Variants in AKR1C2 observed in about 807,000 individuals in gnomAD.
The protein encoded by AKR1C2 is 3-alpha-HSD3.
A neutral mutation model predicts 39.8 loss-of-function variants in AKR1C2; 27 were observed. That is an observed-to-expected ratio of 0.68 (90% CI 0.50 to 0.93). The LOEUF is 0.93. Ranked by LOEUF, AKR1C2 falls within the 40% of genes least tolerant of loss-of-function variation. The pLI is 0.00. For missense variants in AKR1C2, 263 were observed against 365.1 expected (o/e 0.72, Z 2.28); for synonymous variants, 114 against 137.9 (o/e 0.83, Z 1.22).
Position 4,989,286 on chromosome 10 carries a change from T to G in AKR1C2, c.*710A>C, listed in dbSNP as rs1342858883. On this transcript the variant is annotated 3_prime_UTR_variant, in exon 9 of 9. Coordinates refer to ENST00000380753, the MANE Select transcript of AKR1C2 (RefSeq NM_001393392.1). ...AGCTGTGGGGTTTGTTAAAACAATG[T>G]GGAAAGTTTTCTTTTATGAACAAGA... The G allele has an allele frequency of 6.6e-6, 1 of 152,168 alleles. No individual in the cohort carries two copies. Among genetic ancestry groups the G allele is most frequent in the Non-Finnish European group, 1.5e-5 (1 of 68,050 alleles). 9.4% of individuals were successfully genotyped at this position (152,168 alleles called of 1,614,324 possible).
rs576138666 is a variant in AKR1C2 at position 5,001,391 on chromosome 10, G to T, written c.252+123C>A. The T allele has an allele frequency of 2.1e-5, 31 of 1,497,728 alleles. No individual in the cohort carries two copies. The East Asian group carries it at 6.9e-4, about 33-fold the overall frequency. The allele number at this position is 1,497,728 out of a possible 1,614,324, so 92.8% of individuals were successfully genotyped here. Reference sequence around the variant, plus strand: ...GATATTAGTTTTAATACATGAGTAAGTGTGAATAAATCGAAATAAATAAGC... The same window carrying T: ...GATATTAGTTTTAATACATGAGTAATTGTGAATAAATCGAAATAAATAAGC... On this transcript the variant is annotated intron_variant, in intron 2 of 8. Transcript: ENST00000380753.
chr10:5,017,256 A>G (rs1837661298), intron 1 of AKR1C2, among the ~76,000 whole-genome samples: 1 of 152,198 alleles, frequency 6.6e-6, no homozygotes, highest in African/African-American at 2.4e-5. Flanking sequence ...CTACATGGCC[A>G]GGCTCAAGTT....
rs1458853892 is a variant in AKR1C2, at chr10:4,998,613, G to C, written c.570+12C>G. ...TGAAGAACAGAAAGGAGAGGAGGCT[G>C]AGGGCGCTCACCTGGTTGCAGACAG... On this transcript the variant is annotated intron_variant, in intron 5 of 8. Transcript: ENST00000380753. 1 of 1,613,814 alleles carries C rather than the reference G, an allele frequency of 6.2e-7. No homozygotes were observed. Among genetic ancestry groups the C allele is most frequent in the Non-Finnish European group, 8.5e-7 (1 of 1,179,906 alleles).
intron 1 of AKR1C2, among the ~76,000 whole-genome samples, chr10:5,011,748 A>T (rs1461118696): frequency 6.6e-6 from 1 of 152,228 alleles, no homozygotes; most frequent in Non-Finnish European, 1.5e-5. Context: ...GTGGGGATTG[A>T]AAGAATGGAA....
intron 6 of AKR1C2, 87 bp downstream of exon 6, chr10:4,995,669 T>C (rs2131682231): frequency 7.0e-7 from 1 of 1,432,422 alleles, no homozygotes; most frequent in Middle Eastern, 1.9e-4. Flanking sequence ...AAGTCAGCTG[T>C]GAGTGAACTC....
chr10:5,000,176 C>A, intron 3 of AKR1C2: 1 of 1,393,628 alleles, frequency 7.2e-7, no homozygotes. Context: ...TCATTGTGCA[C>A]CCTATGTGCA....
At chr10:4,996,818 G>A (rs1837068522) in intron 5 of AKR1C2, among the ~76,000 whole-genome samples, 1 of 151,816 alleles carries the variant, frequency 6.6e-6, no homozygotes, top group African/African-American at 2.4e-5. Flanking sequence ...TAAATGTCAG[G>A]TAAGAATAGT....
At chr10:4,996,192 G>C (rs1347876014) in intron 5 of AKR1C2, 1 of 253,678 alleles carries the variant, frequency 3.9e-6, no homozygotes, top group East Asian at 1.4e-4. Flanking sequence ...CAGAAATCAA[G>C]AATTTGGTCA....
chr10:5,016,758 G>T (rs1264172408), intron 1 of AKR1C2, among the ~76,000 whole-genome samples: 2 of 152,176 alleles, frequency 1.3e-5, no homozygotes, highest in Admixed American at 6.5e-5. Context: ...CCTCCACACT[G>T]CCCTAGAAGA....
chr10:5,004,498 T>C (rs1445687650), upstream of AKR1C2, among the ~76,000 whole-genome samples: 1 of 152,286 alleles, frequency 6.6e-6, no homozygotes, highest in East Asian at 1.9e-4. Flanking sequence ...TGTGGTTTTA[T>C]TGGAAGATTT....
chr10:5,012,600 A>G (rs1236178036), intron 1 of AKR1C2, among the ~76,000 whole-genome samples: 1 of 152,082 alleles, frequency 6.6e-6, no homozygotes, highest in African/African-American at 2.4e-5. Context: ...GGAATGGCCC[A>G]GAATAGCATT....
At chr10:4,997,794 G>C (rs1429730320) in intron 5 of AKR1C2, among the ~76,000 whole-genome samples, 4 of 152,148 alleles carry the variant, frequency 2.6e-5, no homozygotes, top group Non-Finnish European at 5.9e-5. Context: ...AAGGTGTAGT[G>C]ATTTTAATGC....
upstream of AKR1C2, chr10:5,005,861 C>T (rs1157634792): frequency 1.3e-5 from 2 of 151,886 alleles, no homozygotes; most frequent in African/African-American, 4.8e-5. Flanking sequence ...TTAAGAACTA[C>T]AGAAAATCTG....
intron 2 of AKR1C2, among the ~76,000 whole-genome samples, 172 bp from the exon 3 acceptor site, chr10:5,000,838 A>G (rs1169142286): frequency 6.6e-6 from 1 of 152,222 alleles, no homozygotes; most frequent in African/African-American, 2.4e-5. Flanking sequence ...GATGAACTTT[A>G]TAATATGTTG....
At chr10:5,012,134 A>G (rs187987116) in intron 1 of AKR1C2, among the ~76,000 whole-genome samples, 5 of 152,256 alleles carry the variant, frequency 3.3e-5, no homozygotes, top group Admixed American at 1.3e-4. Flanking sequence ...AGAGCTAAGG[A>G]ACAGGTTTTT....
chr10:5,013,774 A>G (rs187201955), intron 1 of AKR1C2, among the ~76,000 whole-genome samples: 1 of 152,212 alleles, frequency 6.6e-6, no homozygotes, highest in Non-Finnish European at 1.5e-5. Context: ...AAGTCCATCA[A>G]CCTTATTGAG....
intron 1 of AKR1C2, among the ~76,000 whole-genome samples, chr10:5,012,187 A>G (rs1564337654): frequency 6.6e-6 from 1 of 151,960 alleles, no homozygotes; most frequent in Non-Finnish European, 1.5e-5. Flanking sequence ...TTCAGGACCT[A>G]GTGGCTAGTG....
At chr10:5,000,388 C>G (rs1554773702) in intron 3 of AKR1C2, 162 bp downstream of exon 3, 2 of 1,556,010 alleles carry the variant, frequency 1.3e-6, no homozygotes, top group Admixed American at 2.0e-5. Flanking sequence ...TTCAAAATTG[C>G]TTTCTGTTCC....
chr10:5,005,871 G>GA (rs1370032885), upstream of AKR1C2: 8 of 151,774 alleles, frequency 5.3e-5, no homozygotes, highest in African/African-American at 1.5e-4. Flanking sequence ...CAGAAAATCT[G>GA]AAAAAATAAG....
Sources: allele counts gnomAD v4.1 joint callset (sites outside exome capture counted in the v4.1 genomes callset), GRCh38; gene constraint gnomAD v4.1.1; transcripts MANE v1.5; gene names NCBI Gene and HGNC (gene_info 2026-07-23, HGNC 2026-07-21).